Variants in SH3RF1 observed in about 807,000 individuals in gnomAD.
The protein encoded by SH3RF1 is E3 ubiquitin-protein ligase SH3RF1.
In SH3RF1, 32 loss-of-function variants were observed where a neutral mutation model predicts 74.0. The observed-to-expected ratio is 0.43, with a 90% CI of 0.33 to 0.58. The LOEUF (loss-of-function observed/expected upper bound fraction) is 0.58, where lower values mean the gene tolerates loss of function less well. Among genes scored for constraint, SH3RF1 ranks in the 20% least tolerant of loss-of-function variants. SH3RF1 has a pLI of 0.05. For missense variants in SH3RF1, 954 were observed against 1,130.9 expected (o/e 0.84, Z 2.24); for synonymous variants, 396 against 439.6 (o/e 0.90, Z 1.24).
intron 5 of SH3RF1, among the ~76,000 whole-genome samples, chr4:169,135,669 A>C (rs560942484): frequency 4.6e-5 from 7 of 152,310 alleles, no homozygotes; most frequent in African/African-American, 1.7e-4. Flanking sequence ...TAAAGTGCTC[A>C]ATAAATGTCT....
intron 11 of SH3RF1, among the ~76,000 whole-genome samples, chr4:169,099,480 A>T (rs1351624947): frequency 1.3e-5 from 2 of 152,258 alleles, no homozygotes. Flanking sequence ...TAATGTCAAC[A>T]TGCTAAAAAT....
intron 10 of SH3RF1, 83 bp downstream of exon 10, chr4:169,116,186 T>A (rs769483264): frequency 1.2e-5 from 18 of 1,525,970 alleles, no homozygotes; most frequent in Non-Finnish European, 1.6e-5. Context: ...GTCCTCTCAT[T>A]AGCTAAAAAT....
intron 2 of SH3RF1, among the ~76,000 whole-genome samples, chr4:169,179,114 A>T (rs555074509): frequency 6.6e-6 from 1 of 152,304 alleles, no homozygotes; most frequent in East Asian, 1.9e-4. Flanking sequence ...TGGCTTATCC[A>T]GGTGGGCTTA....
At chr4:169,218,343 G>T (rs1730501321) in intron 2 of SH3RF1, among the ~76,000 whole-genome samples, 2 of 135,948 alleles carry the variant, frequency 1.5e-5, no homozygotes, top group South Asian at 2.3e-4. Flanking sequence ...ATAGAATATA[G>T]AATATAAATA....
chr4:169,199,390 C>T (rs1734871531), intron 2 of SH3RF1, among the ~76,000 whole-genome samples: 1 of 152,168 alleles, frequency 6.6e-6, no homozygotes. Flanking sequence ...CGTTCAAAGA[C>T]TCGGGTTCTT....
At chr4:169,249,529 A>C (rs1302130366) in intron 2 of SH3RF1, among the ~76,000 whole-genome samples, 2 of 152,236 alleles carry the variant, frequency 1.3e-5, no homozygotes, top group Non-Finnish European at 2.9e-5. Flanking sequence ...TAGTTACAGC[A>C]GCAGAAATGG....
At chr4:169,142,466 T>C (rs1412582200) in intron 4 of SH3RF1, among the ~76,000 whole-genome samples, 2 of 152,236 alleles carry the variant, frequency 1.3e-5, no homozygotes, top group Admixed American at 6.5e-5. Flanking sequence ...TTCCTACTTT[T>C]TAAAATGTTT....
chr4:169,100,311 G>C (rs897440847), intron 11 of SH3RF1, among the ~76,000 whole-genome samples: 3 of 151,916 alleles, frequency 2.0e-5, no homozygotes, highest in Non-Finnish European at 4.4e-5. Flanking sequence ...TCACTATCCT[G>C]GTTGATGACT....
At chr4:169,270,398 T>C (rs546687716) in intron 1 of SH3RF1, among the ~76,000 whole-genome samples, 1 of 152,222 alleles carries the variant, frequency 6.6e-6, no homozygotes, top group South Asian at 2.1e-4. Flanking sequence ...GATCTCACCC[T>C]ACAGCCTCCC....
At chr4:169,108,015 T>G (rs1350768922) in intron 10 of SH3RF1, among the ~76,000 whole-genome samples, 1 of 152,254 alleles carries the variant, frequency 6.6e-6, no homozygotes, top group East Asian at 1.9e-4. Flanking sequence ...ATCTCTTGAA[T>G]TTTTGTCTCT....
Position 169,106,925 on chromosome 4 carries a change from G to A in SH3RF1, c.2420C>T (p.Pro807Leu). Residue 807 changes from proline (P) to leucine (L), a missense_variant, in exon 11 of 12, where the codon CCC (proline) becomes CTC (leucine). Coordinates refer to ENST00000284637, the MANE Select transcript of SH3RF1 (RefSeq NM_020870.4). The part of the protein sequence containing the change: ...RKASSLDSAV[P>L]IAPPPRQACS... ...GGCCTGGCGAGGAGGTGGAGCGATGGGAACTGCGGAGTCCAGGGAACTTGC... is the reference window on the plus strand; with the variant it reads ...GGCCTGGCGAGGAGGTGGAGCGATGAGAACTGCGGAGTCCAGGGAACTTGC... 1 of 1,613,750 alleles carries A rather than the reference G, an allele frequency of 6.2e-7. No homozygotes were observed. The highest frequency in any genetic ancestry group is 8.5e-7 in the Non-Finnish European group (1 of 1,180,010).
chr4:169,212,747 G>T (rs1239474183), intron 2 of SH3RF1, among the ~76,000 whole-genome samples: 1 of 152,090 alleles, frequency 6.6e-6, no homozygotes, highest in Non-Finnish European at 1.5e-5. Context: ...TTCCCTCTTG[G>T]TGTTCTATGC....
intron 2 of SH3RF1, among the ~76,000 whole-genome samples, chr4:169,254,244 C>A (rs1179218233): frequency 6.6e-6 from 1 of 152,106 alleles, no homozygotes; most frequent in Non-Finnish European, 1.5e-5. Flanking sequence ...CTGAACTGAC[C>A]ACCTACTACT....
In SH3RF1 at chr4:169,130,452, G is replaced by A. The variant is rs574310505; in HGVS notation, c.1069-296C>T. ...GGTAACACATTGCCTCATTTGGTAC[G>A]CCACCATGAATCAAACTGGCCTTCC... On this transcript the variant is annotated intron_variant, in intron 5 of 11. Transcript: ENST00000284637. 2.0e-5 allele frequency among the ~76,000 whole-genome samples: 3 copies of A among 152,152 alleles called. No homozygotes were observed. The South Asian group carries it at 6.2e-4, about 32-fold the overall frequency.
At chr4:169,138,958 TG>T (rs1258417220) in intron 4 of SH3RF1, among the ~76,000 whole-genome samples, 2 of 152,106 alleles carry the variant, frequency 1.3e-5, no homozygotes, top group East Asian at 3.8e-4. Flanking sequence ...CATCTATTTT[TG>T]GGGGGACTGG....
At chr4:169,268,143 A>G (rs919004501) in intron 2 of SH3RF1, among the ~76,000 whole-genome samples, 1 of 152,168 alleles carries the variant, frequency 6.6e-6, no homozygotes, top group African/African-American at 2.4e-5. Context: ...AGCTTCATCT[A>G]AAATTATTTC....
chr4:169,103,760 G>C (rs903743017), intron 11 of SH3RF1, among the ~76,000 whole-genome samples: 1 of 152,116 alleles, frequency 6.6e-6, no homozygotes, highest in Admixed American at 6.6e-5. Flanking sequence ...TGAAAGCAAA[G>C]GCTGTGGAAA....
At chr4:169,266,493 CTT>C (rs1731358462) in intron 2 of SH3RF1, among the ~76,000 whole-genome samples, 1 of 151,798 alleles carries the variant, frequency 6.6e-6, no homozygotes, top group Non-Finnish European at 1.5e-5. Flanking sequence ...TAAAAGGAGT[CTT>C]TTCTAGAAAT....
chr4:169,222,256 G>A (rs1281396681), intron 2 of SH3RF1, among the ~76,000 whole-genome samples: 1 of 152,100 alleles, frequency 6.6e-6, no homozygotes, highest in Non-Finnish European at 1.5e-5. Context: ...TTGAGATCGG[G>A]AGTTGGAGAT....
Sources: gnomAD v4.1 joint callset for allele counts (sites outside exome capture counted in the v4.1 genomes callset) on GRCh38, gnomAD v4.1.1 for gene constraint, MANE v1.5 for transcripts, NCBI Gene and HGNC (gene_info 2026-07-23, HGNC 2026-07-21) for gene names.